The following FLRT1 variants were observed in gnomAD, a reference collection of about 807,000 sequenced individuals.
The protein encoded by FLRT1 is leucine-rich repeat transmembrane protein FLRT1.
In FLRT1, 14 loss-of-function variants were observed where a neutral mutation model predicts 30.9. The observed-to-expected ratio is 0.45, with a 90% CI of 0.30 to 0.71. The LOEUF (loss-of-function observed/expected upper bound fraction) is 0.71. Among genes scored for constraint, FLRT1 ranks in the 30% least tolerant of loss-of-function variants. FLRT1 has a pLI of 0.08. For synonymous variants in FLRT1, 368 were observed against 430.4 expected (o/e 0.85, Z 1.80); for missense variants, 737 against 949.2 (o/e 0.78, Z 2.94).
At chr11:64,104,352 G>A (rs902545298) in intron 2 of FLRT1, among the ~76,000 whole-genome samples, 171 bp downstream of exon 2, 2 of 152,064 alleles carry the variant, frequency 1.3e-5, no homozygotes, top group African/African-American at 4.8e-5. Flanking sequence ...ACCCACTCAC[G>A]CAGTTCATGC....
Position 64,041,411 on chromosome 11 carries a change from T to C in FLRT1, c.-1038+5252T>C, listed in dbSNP as rs571055159. On this transcript the variant is annotated intron_variant, in intron 1 of 2. Coordinates refer to ENST00000682287, the MANE Select transcript of FLRT1 (RefSeq NM_013280.5). ...TGTCCTCAAAAATGCTGCCGGGTGC[T>C]GGAACCAGGAGGGGCTTTTCCTGGG... is the stretch of plus-strand genomic sequence containing the variant. Among the ~76,000 whole-genome samples the C allele has an allele frequency of 1.2e-3, 179 of 151,858 alleles. 1 individual carries two copies. The highest frequency in any genetic ancestry group is 1.4e-3 in the Admixed American group (22 of 15,268).
chr11:64,044,809 G>T (rs1254229744), intron 1 of FLRT1, among the ~76,000 whole-genome samples: 1 of 152,108 alleles, frequency 6.6e-6, no homozygotes, highest in Non-Finnish European at 1.5e-5. Context: ...ACCTGCCCAG[G>T]ACCTCTGAGC....
chr11:64,069,224 G>A (rs991946736), intron 1 of FLRT1, among the ~76,000 whole-genome samples: 1 of 152,204 alleles, frequency 6.6e-6, no homozygotes, highest in African/African-American at 2.4e-5. Context: ...CCCGAGGTGG[G>A]CGCCTTCACC....
At chr11:64,054,753 C>A (rs752756570) in intron 1 of FLRT1, among the ~76,000 whole-genome samples, 13 of 152,154 alleles carry the variant, frequency 8.5e-5, no homozygotes, top group Non-Finnish European at 1.3e-4. Flanking sequence ...GAACCCCCAC[C>A]TGGCCAGCCC....
intron 1 of FLRT1, among the ~76,000 whole-genome samples, chr11:64,057,985 T>C (rs1281977845): frequency 6.6e-6 from 1 of 152,238 alleles, no homozygotes; most frequent in Admixed American, 6.5e-5. Flanking sequence ...CCCCACCTTG[T>C]GCTCAGCCTC....
At chr11:64,051,206 G>C (rs1471469898) in intron 1 of FLRT1, among the ~76,000 whole-genome samples, 2 of 152,246 alleles carry the variant, frequency 1.3e-5, no homozygotes, top group African/African-American at 4.8e-5. Context: ...ATGGGGCCAG[G>C]GGTGCCAAGA....
intron 2 of FLRT1, among the ~76,000 whole-genome samples, chr11:64,104,668 G>A (rs996526707): frequency 6.6e-6 from 1 of 152,186 alleles, no homozygotes; most frequent in Non-Finnish European, 1.5e-5. Context: ...CTGGCCAGGG[G>A]ACCCAGGGTG....
chr11:64,072,556 C>T (rs962545574), intron 1 of FLRT1, among the ~76,000 whole-genome samples: 3 of 152,244 alleles, frequency 2.0e-5, no homozygotes, highest in East Asian at 1.9e-4. Context: ...ATAGCAGCTG[C>T]GCTGCATCCT....
chr11:64,063,539 G>T (rs566390432), intron 1 of FLRT1, among the ~76,000 whole-genome samples: 1 of 152,168 alleles, frequency 6.6e-6, no homozygotes, highest in Admixed American at 6.5e-5. Context: ...AAAAGTCTCC[G>T]TTACTGCCCA....
At chr11:64,059,417 T>C (rs576206652) in intron 1 of FLRT1, among the ~76,000 whole-genome samples, 1 of 152,174 alleles carries the variant, frequency 6.6e-6, no homozygotes, top group African/African-American at 2.4e-5. Flanking sequence ...TGGGAAGAGA[T>C]GTCCCCCCAG....
At chr11:64,102,471 T>C (rs987759243) in intron 1 of FLRT1, among the ~76,000 whole-genome samples, 4 of 152,192 alleles carry the variant, frequency 2.6e-5, no homozygotes, top group Non-Finnish European at 4.4e-5. Context: ...GGAAAGGCAG[T>C]GCTTGTTCTG....
At chr11:64,053,083 C>CTG (rs1943723177) in intron 1 of FLRT1, among the ~76,000 whole-genome samples, 1 of 152,212 alleles carries the variant, frequency 6.6e-6, no homozygotes, top group African/African-American at 2.4e-5. Flanking sequence ...TGATTCCCTC[C>CTG]AGCACGCTGG....
intron 1 of FLRT1, among the ~76,000 whole-genome samples, chr11:64,080,251 G>T (rs1350773641): frequency 6.6e-6 from 1 of 152,200 alleles, no homozygotes; most frequent in Non-Finnish European, 1.5e-5. Flanking sequence ...GACCTCAAGT[G>T]ATCTGCCTGC....
At chr11:64,094,989 C>A (rs944158414) in intron 1 of FLRT1, among the ~76,000 whole-genome samples, 3 of 152,182 alleles carry the variant, frequency 2.0e-5, no homozygotes, top group Non-Finnish European at 4.4e-5. Context: ...TTAGCTGTGG[C>A]TTCAAAGAGC....
intron 1 of FLRT1, among the ~76,000 whole-genome samples, chr11:64,074,116 A>G (rs963393525): frequency 6.6e-6 from 1 of 152,208 alleles, no homozygotes; most frequent in Non-Finnish European, 1.5e-5. Flanking sequence ...CCTCTCAAAG[A>G]AAGAGTCATC....
At chr11:64,097,954 C>T (rs1944607076) in intron 1 of FLRT1, among the ~76,000 whole-genome samples, 1 of 152,064 alleles carries the variant, frequency 6.6e-6, no homozygotes, top group Non-Finnish European at 1.5e-5. Context: ...GGAACCCACT[C>T]AGCACCCAGG....
chr11:64,077,351 T>C (rs764447914), intron 1 of FLRT1, among the ~76,000 whole-genome samples: 113 of 152,144 alleles, frequency 7.4e-4, no homozygotes, highest in Non-Finnish European at 1.3e-3. Flanking sequence ...CCAGAAGCAA[T>C]GTCTGGGAAT....
intron 1 of FLRT1, among the ~76,000 whole-genome samples, chr11:64,086,442 C>T (rs929046332): frequency 6.6e-6 from 1 of 151,966 alleles, no homozygotes; most frequent in Non-Finnish European, 1.5e-5. Context: ...CTCTCCAGTC[C>T]AAACCTGTCC....
In FLRT1 at chr11:64,117,904, G is replaced by T; in HGVS notation, c.1637G>T (p.Gly546Val). The change falls in exon 3 of 3, where the codon GGC becomes GTC. Residue 546 changes from glycine (G) to valine (V), a missense_variant. Transcript: ENST00000682287. ...ACACTCAACCAGGAGCAGAACGCTG[G>T]CCCCATGGCGAGCCTGCCCCTGGCG... The part of the protein sequence containing the change: ...TTTLNQEQNA[G>V]PMASLPLAGI... 1 of 1,613,878 alleles carries T rather than the reference G, an allele frequency of 6.2e-7. No homozygotes were observed. The highest frequency in any genetic ancestry group is 8.5e-7 in the Non-Finnish European group (1 of 1,179,932).
Sources: allele counts gnomAD v4.1 joint callset (sites outside exome capture counted in the v4.1 genomes callset), GRCh38; gene constraint gnomAD v4.1.1; transcripts MANE v1.5; gene names NCBI Gene and HGNC (gene_info 2026-07-23, HGNC 2026-07-21).